GULP1: variants seen among roughly 807,000 people sequenced by gnomAD.
GULP1 encodes the protein GULP PTB domain containing engulfment adaptor 1, also known as PTB domain-containing engulfment adapter protein 1.
In GULP1, 19 loss-of-function variants were observed where a neutral mutation model predicts 40.9. The observed-to-expected ratio is 0.46, with a 90% CI of 0.32 to 0.68. The LOEUF (loss-of-function observed/expected upper bound fraction) is 0.68, where lower values mean the gene tolerates loss of function less well. Among genes scored for constraint, GULP1 ranks in the 30% least tolerant of loss-of-function variants. GULP1 has a pLI of 0.03. For missense variants in GULP1, 312 were observed against 362.2 expected, an observed-to-expected ratio of 0.86 and a Z score of 1.12; for synonymous variants, 119 against 117.6, an observed-to-expected ratio of 1.01 and a Z score of -0.08.
chr2:188,384,751 A>G (rs186841186), intron 2 of GULP1, among the ~76,000 whole-genome samples: 8 of 152,292 alleles, frequency 5.3e-5, no homozygotes, highest in Admixed American at 5.2e-4. Context: ...TCCAAATGGG[A>G]GAAATTGGCC....
intron 2 of GULP1, among the ~76,000 whole-genome samples, chr2:188,470,303 A>G (rs2060483375): frequency 1.3e-5 from 2 of 152,128 alleles, no homozygotes; most frequent in South Asian, 4.1e-4. Flanking sequence ...GTCTCTAGGA[A>G]TTTGTCCATT....
At chr2:188,478,906 G>A (rs1321638045) in intron 3 of GULP1, among the ~76,000 whole-genome samples, 1 of 152,094 alleles carries the variant, frequency 6.6e-6, no homozygotes, top group African/African-American at 2.4e-5. Flanking sequence ...CTGACACATA[G>A]TAACGTGCCC....
chr2:188,590,817 T>C (rs963241813), intron 11 of GULP1: 1 of 152,138 alleles, frequency 6.6e-6, no homozygotes, highest in Non-Finnish European at 1.5e-5. Context: ...TCATGAATGA[T>C]GAAAGAATCA....
chr2:188,294,423 G>A (rs1384245040), intron 1 of GULP1: 7 of 152,120 alleles, frequency 4.6e-5, no homozygotes. Context: ...TCACACATTT[G>A]CCCTTTACTG....
intron 2 of GULP1, among the ~76,000 whole-genome samples, chr2:188,467,070 G>T (rs2060188615): frequency 1.3e-5 from 2 of 151,212 alleles, no homozygotes; most frequent in Admixed American, 1.3e-4. Flanking sequence ...TTAGAAGTAT[G>T]AATCAAGCAA....
At chr2:188,593,784 C>G in intron 11 of GULP1, 156 bp from the exon 12 acceptor site, 6 of 570,996 alleles carry the variant, frequency 1.1e-5, no homozygotes, top group South Asian at 2.4e-5. Flanking sequence ...TGCTATACAC[C>G]TATATAAAAA....
intron 4 of GULP1, among the ~76,000 whole-genome samples, chr2:188,499,122 CATATATGTGTGTGTATATATATAT>C (rs2153137942): frequency 1.9e-5 from 2 of 107,830 alleles, no homozygotes; most frequent in African/African-American, 7.1e-5. Flanking sequence ...TACAAATGCA[CATATATGTGTGTGTATATATATAT>C]ATATATATAT....
chr2:188,593,789 T>C (rs1704053693), intron 11 of GULP1, 151 bp from the exon 12 acceptor site: 1 of 577,918 alleles, frequency 1.7e-6, no homozygotes, highest in Non-Finnish European at 3.2e-6. Flanking sequence ...TACACCTATA[T>C]AAAAATTCAG....
intron 4 of GULP1, among the ~76,000 whole-genome samples, chr2:188,509,965 A>G (rs916354420): frequency 1.2e-4 from 19 of 152,096 alleles, no homozygotes; most frequent in African/African-American, 4.6e-4. Flanking sequence ...AGTATGCACA[A>G]TAAATATTTT....
intron 1 of GULP1, among the ~76,000 whole-genome samples, chr2:188,300,372 A>AT (rs34209622): frequency 1.3e-5 from 2 of 152,198 alleles, no homozygotes; most frequent in South Asian, 2.1e-4. Context: ...TGAAAAAATA[A>AT]TTTTTTTCTG....
intron 9 of GULP1, among the ~76,000 whole-genome samples, chr2:188,582,049 G>C (rs1701432287): frequency 6.6e-6 from 1 of 151,730 alleles, no homozygotes; most frequent in African/African-American, 2.4e-5. Context: ...CTTTCTTCAT[G>C]TTTCTCTCCA....
At chr2:188,485,489 T>C (rs1352664629) in intron 4 of GULP1, among the ~76,000 whole-genome samples, 1 of 152,050 alleles carries the variant, frequency 6.6e-6, no homozygotes, top group African/African-American at 2.4e-5. Context: ...CCTTTGTTTG[T>C]GGCACTTATT....
chr2:188,491,269 A>G (rs1358031708), intron 4 of GULP1, among the ~76,000 whole-genome samples: 1 of 152,064 alleles, frequency 6.6e-6, no homozygotes, highest in Non-Finnish European at 1.5e-5. Context: ...AAAAAAAAAC[A>G]TGTTTCCAAA....
At chr2:188,358,151 A>T (rs1405967925) in intron 1 of GULP1, among the ~76,000 whole-genome samples, 2 of 152,196 alleles carry the variant, frequency 1.3e-5, no homozygotes, top group East Asian at 3.9e-4. Flanking sequence ...ACTGCACTCC[A>T]GCCTGGGTGA....
At position 188,584,351 on chromosome 2, in the gene GULP1, T is replaced by C; in HGVS notation, c.696T>C (p.Pro232=). The change falls in exon 10 of 12, where the codon CCT becomes CCC. Residue 232 remains proline (P), a synonymous_variant. Transcript: ENST00000409830. The stretch of plus-strand genomic sequence containing the variant: ...CAATATCACACCAGTCTTCGATGCC[T>C]ACTCGCAATGGCACACAGCCACCTC... ...FSPISHQSSM[P]TRNGTQPPPV... is the part of the protein sequence containing the mutation. The C allele has an allele frequency of 2.5e-6, 4 of 1,605,868 alleles. No individual in the cohort carries two copies. The highest frequency in any genetic ancestry group is 3.4e-6 in the Non-Finnish European group (4 of 1,172,684).
At chr2:188,463,934 A>G (rs998109178) in intron 2 of GULP1, among the ~76,000 whole-genome samples, 1 of 151,804 alleles carries the variant, frequency 6.6e-6, no homozygotes, top group Non-Finnish European at 1.5e-5. Flanking sequence ...AATGTCTTTA[A>G]GTTTTTTTCA....
intron 2 of GULP1, among the ~76,000 whole-genome samples, chr2:188,386,071 T>C (rs1574916174): frequency 6.6e-6 from 1 of 152,182 alleles, no homozygotes; most frequent in South Asian, 2.1e-4. Flanking sequence ...ATTTACTGTA[T>C]GAGTCTGTTT....
At chr2:188,412,315 C>T (rs989744359) in intron 2 of GULP1, among the ~76,000 whole-genome samples, 9 of 152,072 alleles carry the variant, frequency 5.9e-5, no homozygotes, top group African/African-American at 1.4e-4. Flanking sequence ...TTACCTCCCA[C>T]GGGTAATTTA....
chr2:188,517,805 G>A (rs2065339368), intron 4 of GULP1, among the ~76,000 whole-genome samples: 1 of 152,012 alleles, frequency 6.6e-6, no homozygotes, highest in South Asian at 2.1e-4. Flanking sequence ...TGAGAAAAGA[G>A]TCTAGGGGAA....
Sources: allele counts gnomAD v4.1 joint callset (sites outside exome capture counted in the v4.1 genomes callset), GRCh38; gene constraint gnomAD v4.1.1; transcripts MANE v1.5; gene names NCBI Gene and HGNC (gene_info 2026-07-23, HGNC 2026-07-21).